The following IMMP2L variants were observed in gnomAD, a reference collection of about 807,000 sequenced individuals.
The protein encoded by IMMP2L is mitochondrial inner membrane protease subunit 2.
IMMP2L carries 18 observed loss-of-function variants against 19.3 expected under a neutral mutation model. The observed-to-expected ratio is 0.93, with a 90% CI of 0.64 to 1.38. The LOEUF is 1.38. IMMP2L is among the 40% of genes most tolerant of loss of function. The probability of loss-of-function intolerance (pLI) is 0.00; values close to 1 mark genes in which losing one functional copy is unlikely to be tolerated. For missense variants in IMMP2L, 233 were observed against 218.2 expected (o/e 1.07, Z -0.43); for synonymous variants, 76 against 73.0 (o/e 1.04, Z -0.21).
At chr7:110,963,020 A>G (rs778393159) in intron 4 of IMMP2L, 6 of 1,516,320 alleles carry the variant, frequency 4.0e-6, no homozygotes, top group South Asian at 2.5e-5. Context: ...CAATCTTATC[A>G]TCTAAAGCTT....
intron 5 of IMMP2L, among the ~76,000 whole-genome samples, chr7:110,777,514 C>T (rs1258111901): frequency 6.6e-6 from 1 of 151,868 alleles, no homozygotes; most frequent in Non-Finnish European, 1.5e-5. Context: ...GTTTCTTTAG[C>T]CCGTTAATTT....
At chr7:111,012,838 T>C (rs1265552648) in intron 3 of IMMP2L, among the ~76,000 whole-genome samples, 1 of 152,174 alleles carries the variant, frequency 6.6e-6, no homozygotes, top group Non-Finnish European at 1.5e-5. Flanking sequence ...TCTTATTTTT[T>C]CAGAACTTGT....
At chr7:111,560,985 C>T (rs1350404072) in intron 1 of IMMP2L, among the ~76,000 whole-genome samples, 1 of 152,212 alleles carries the variant, frequency 6.6e-6, no homozygotes, top group Non-Finnish European at 1.5e-5. Context: ...AGTTTTACTA[C>T]ATTCCTGCTT....
intron 3 of IMMP2L, among the ~76,000 whole-genome samples, chr7:111,018,502 T>C (rs1825931063): frequency 6.6e-6 from 1 of 152,138 alleles, no homozygotes; most frequent in Non-Finnish European, 1.5e-5. Context: ...TGTTCTGTGG[T>C]TAAGATCTAC....
intron 1 of IMMP2L, among the ~76,000 whole-genome samples, chr7:111,533,104 G>A (rs948712910): frequency 1.3e-5 from 2 of 152,066 alleles, no homozygotes; most frequent in Non-Finnish European, 2.9e-5. Flanking sequence ...AAATAGAACA[G>A]CCAAGAGGCC....
At chr7:110,702,176 C>G (rs1027624337) in intron 5 of IMMP2L, among the ~76,000 whole-genome samples, 1 of 152,022 alleles carries the variant, frequency 6.6e-6, no homozygotes, top group African/African-American at 2.4e-5. Context: ...CTCAAGTGAT[C>G]CACCTGCTTA....
rs1374552461 is a variant in IMMP2L at position 111,486,426 on chromosome 7, C to T, written c.239+812G>A. ...AATGGGAAAAGTATTTACCCAGTAGCAGGTTTTTACTGTCTCCAAATCAAA... is the reference window on the plus strand; with the variant it reads ...AATGGGAAAAGTATTTACCCAGTAGTAGGTTTTTACTGTCTCCAAATCAAA... On this transcript the variant is annotated intron_variant, in intron 3 of 5. Coordinates refer to ENST00000405709, the MANE Select transcript of IMMP2L (RefSeq NM_032549.4). Among the ~76,000 whole-genome samples the T allele has an allele frequency of 4.6e-5, 7 of 152,248 alleles. No homozygotes were observed. The South Asian group carries it at 8.3e-4, about 18-fold the overall frequency.
chr7:111,231,494 T>C (rs946121580), intron 3 of IMMP2L, among the ~76,000 whole-genome samples: 1 of 151,996 alleles, frequency 6.6e-6, no homozygotes, highest in Non-Finnish European at 1.5e-5. Flanking sequence ...TTAATGTTAC[T>C]TCTCCAATGA....
At chr7:111,007,873 G>A (rs529905983) in intron 3 of IMMP2L, among the ~76,000 whole-genome samples, 1 of 151,980 alleles carries the variant, frequency 6.6e-6, no homozygotes, top group East Asian at 1.9e-4. Flanking sequence ...CTGATTCCCC[G>A]ACTTTCTACC....
At chr7:110,686,863 A>G (rs1006266040) in intron 5 of IMMP2L, among the ~76,000 whole-genome samples, 1 of 152,022 alleles carries the variant, frequency 6.6e-6, no homozygotes, top group Admixed American at 6.6e-5. Flanking sequence ...ATTTTCTAAA[A>G]TTTGGCTTCA....
At chr7:111,501,315 G>C (rs1844225634) in intron 2 of IMMP2L, among the ~76,000 whole-genome samples, 1 of 152,064 alleles carries the variant, frequency 6.6e-6, no homozygotes, top group Non-Finnish European at 1.5e-5. Context: ...AAGAAATATG[G>C]GACTATGTGA....
chr7:111,553,813 T>C (rs1790948868), intron 1 of IMMP2L, among the ~76,000 whole-genome samples: 1 of 152,188 alleles, frequency 6.6e-6, no homozygotes, highest in South Asian at 2.1e-4. Flanking sequence ...CAGGACAAGG[T>C]AGCCAGCTCT....
At chr7:111,366,051 G>A (rs1459298755) in intron 3 of IMMP2L, among the ~76,000 whole-genome samples, 1 of 152,036 alleles carries the variant, frequency 6.6e-6, no homozygotes, top group East Asian at 1.9e-4. Flanking sequence ...ATAAAGCCTG[G>A]TCCAGGCAAG....
intron 5 of IMMP2L, among the ~76,000 whole-genome samples, chr7:110,747,436 G>A (rs1013494247): frequency 6.6e-5 from 10 of 152,116 alleles, no homozygotes; most frequent in Non-Finnish European, 1.5e-5. Context: ...ACCTGGCAGA[G>A]ACACAACAAA....
At chr7:110,702,278 C>A (rs1794339915) in intron 5 of IMMP2L, among the ~76,000 whole-genome samples, 1 of 152,016 alleles carries the variant, frequency 6.6e-6, no homozygotes, top group African/African-American at 2.4e-5. Flanking sequence ...GCACTTGTGA[C>A]AAATTTGGAA....
At chr7:110,909,263 A>G (rs1812785270) in intron 4 of IMMP2L, among the ~76,000 whole-genome samples, 1 of 152,220 alleles carries the variant, frequency 6.6e-6, no homozygotes, top group Non-Finnish European at 1.5e-5. Context: ...AAAGGATCTT[A>G]GTCCAGTGGT....
intron 1 of IMMP2L, among the ~76,000 whole-genome samples, chr7:111,547,299 A>C (rs1243640426): frequency 1.3e-5 from 2 of 152,166 alleles, no homozygotes; most frequent in Admixed American, 1.3e-4. Flanking sequence ...TCCTTAACTG[A>C]GGGCTTGGAA....
rs563264961 is a variant in IMMP2L at position 111,422,694 on chromosome 7, C to T, written c.239+64544G>A. The stretch of plus-strand genomic sequence containing the variant: ...AAAATTTGACTTCCTCTTTTCCTAA[C>T]TGAATACCCTTTATTTCTTTCTCTT... On this transcript the variant is annotated intron_variant, in intron 3 of 5. Transcript: ENST00000405709. Among the ~76,000 whole-genome samples, 55 of 151,876 alleles carry T rather than the reference C, an allele frequency of 3.6e-4. 1 individual carries two copies. Among genetic ancestry groups the T allele is most frequent in the South Asian group, 1.5e-3 (7 of 4,826 alleles).
intron 3 of IMMP2L, among the ~76,000 whole-genome samples, chr7:111,009,041 G>A (rs1038345259): frequency 2.0e-5 from 3 of 152,008 alleles, no homozygotes; most frequent in African/African-American, 7.2e-5. Flanking sequence ...GTCACAGTCA[G>A]TATTTGCTTC....
Sources: allele counts gnomAD v4.1 joint callset (sites outside exome capture counted in the v4.1 genomes callset), GRCh38; gene constraint gnomAD v4.1.1; transcripts MANE v1.5; gene names NCBI Gene and HGNC (gene_info 2026-07-23, HGNC 2026-07-21).